The following CCT6B variants were observed in gnomAD, a reference collection of about 807,000 sequenced individuals.
CCT6B encodes probable T-complex protein 1 subunit zeta-2.
In CCT6B, 49 loss-of-function variants were observed where a neutral mutation model predicts 61.5. The ratio of observed to expected loss-of-function variants is 0.80; its 90% CI spans 0.63 to 1.01. The LOEUF (loss-of-function observed/expected upper bound fraction) is 1.01, where lower values mean the gene tolerates loss of function less well. CCT6B is among the 50% of genes least tolerant of loss of function. The pLI is 0.00. For synonymous variants in CCT6B, 228 were observed against 214.5 expected, an observed-to-expected ratio of 1.06 and a Z score of -0.55; for missense variants, 666 against 634.7, an observed-to-expected ratio of 1.05 and a Z score of -0.53.
chr17:34,954,283 G>C (rs2142176759), intron 4 of CCT6B, 143 bp downstream of exon 4: 1 of 612,192 alleles, frequency 1.6e-6, no homozygotes, highest in East Asian at 2.9e-5. Context: ...CTAATCTACA[G>C]TTAGGCCTAT....
chr17:34,942,091 C>T (rs989787239), intron 7 of CCT6B, among the ~76,000 whole-genome samples: 4 of 149,520 alleles, frequency 2.7e-5, no homozygotes, highest in African/African-American at 9.8e-5. Flanking sequence ...TTTTGTCACA[C>T]ATAATAATAA....
intron 11 of CCT6B, 43 bp downstream of exon 11, chr17:34,932,324 T>C: frequency 1.3e-6 from 2 of 1,558,752 alleles, no homozygotes; most frequent in African/African-American, 1.4e-5. Context: ...TTAAACACCT[T>C]TATGTCTAAG....
intron 5 of CCT6B, chr17:34,944,194 C>T (rs138047393): frequency 6.6e-6 from 1 of 152,266 alleles, no homozygotes; most frequent in African/African-American, 2.4e-5. Context: ...CTACTGTCAG[C>T]AAATGACATT....
At chr17:34,952,548 T>C (rs903658774) in intron 4 of CCT6B, among the ~76,000 whole-genome samples, 1 of 152,204 alleles carries the variant, frequency 6.6e-6, no homozygotes, top group African/African-American at 2.4e-5. Context: ...AAAGTTTCCA[T>C]GTCATCCCAT....
rs187444062 is a variant in CCT6B, at chr17:34,959,304, T to C, written c.201+283A>G. ...ACACTGAGCAAAATTTTTTTTTTTT[T>C]TTTTTTTTGTAGAGACGGTTTTCAC... On this transcript the variant is annotated intron_variant, in intron 2 of 13. Transcript: ENST00000314144. 6.4e-3 allele frequency among the ~76,000 whole-genome samples: 955 copies of C among 149,290 alleles called. 7 individuals carry two copies. The highest frequency in any genetic ancestry group is 0.022 in the African/African-American group (914 of 40,742).
chr17:34,930,131 G>T (rs149929834), intron 12 of CCT6B, among the ~76,000 whole-genome samples: 1 of 152,270 alleles, frequency 6.6e-6, no homozygotes, highest in Non-Finnish European at 1.5e-5. Context: ...AATTAGCCGG[G>T]CGTGGCAGCA....
rs191418224 is a variant in CCT6B at position 34,942,819 on chromosome 17, G to A, written c.702C>T (p.Asn234=). 23 of 1,606,518 alleles carry A rather than the reference G, an allele frequency of 1.4e-5. No homozygotes were observed. Among genetic ancestry groups the A allele is most frequent in the Admixed American group, 8.5e-5 (5 of 58,974 alleles). ...ACGTTTTTTCATATTCCAGTGAAACGTTGCAAATAAGGATAAATGCATCTT... is the reference window on the plus strand; with the variant it reads ...ACGTTTTTTCATATTCCAGTGAAACATTGCAAATAAGGATAAATGCATCTT... ...RVEDAFILIC[N]VSLEYEKTEV... is the part of the protein sequence containing the mutation. Residue 234 remains asparagine, a synonymous_variant, in exon 6 of 14, where the codon AAC becomes AAT. Coordinates refer to ENST00000314144, the MANE Select transcript of CCT6B (RefSeq NM_006584.4).
intron 5 of CCT6B, among the ~76,000 whole-genome samples, chr17:34,946,716 T>C (rs1211383384): frequency 6.6e-6 from 1 of 152,060 alleles, no homozygotes; most frequent in Non-Finnish European, 1.5e-5. Context: ...AAATACTAAA[T>C]AGCAAAGAGA....
At chr17:34,932,603 C>T (rs1212750958) in intron 10 of CCT6B, 103 bp from the exon 11 acceptor site, 1 of 1,021,686 alleles carries the variant, frequency 9.8e-7, no homozygotes, top group Admixed American at 2.6e-5. Flanking sequence ...CTATTATCTA[C>T]AGAAACCAAA....
chr17:34,944,094 A>G (rs2090197162), intron 5 of CCT6B: 1 of 152,156 alleles, frequency 6.6e-6, no homozygotes, highest in South Asian at 2.1e-4. Context: ...AGATTACTCC[A>G]CCTCTTAACA....
At chr17:34,937,106 C>T (rs2090103183) in intron 10 of CCT6B, among the ~76,000 whole-genome samples, 1 of 151,976 alleles carries the variant, frequency 6.6e-6, no homozygotes, top group Non-Finnish European at 1.5e-5. Context: ...TGCAGTGAGC[C>T]ATGATCACAC....
chr17:34,944,913 G>A (rs544655499), intron 5 of CCT6B, among the ~76,000 whole-genome samples: 28 of 152,288 alleles, frequency 1.8e-4, no homozygotes, highest in African/African-American at 5.1e-4. Flanking sequence ...GCGACAGAGC[G>A]AGACTCCGTC....
rs879249857 is a variant in CCT6B, at chr17:34,951,987, T to G, written c.577A>C (p.Ile193Leu). Reference sequence around the variant, plus strand: ...CCTAATTTATGCTTCATCTCCATTATTTCTACCATGAAGAGATCAATAGGG... The same window carrying G: ...CCTAATTTATGCTTCATCTCCATTAGTTCTACCATGAAGAGATCAATAGGG... ...GYPIDLFMVE[I>L]MEMKHKLGTD... Residue 193 changes from isoleucine (I) to leucine (L), a missense_variant, in exon 5 of 14, where the codon ATA (isoleucine) becomes CTA (leucine). Coordinates refer to ENST00000314144, the MANE Select transcript of CCT6B (RefSeq NM_006584.4). 6.2e-7 allele frequency: 1 copy of G among 1,605,808 alleles called. No individual in the cohort carries two copies. Among genetic ancestry groups the G allele is most frequent in the Non-Finnish European group, 8.5e-7 (1 of 1,174,256 alleles).
At chr17:34,937,088 G>A (rs2090102888) in intron 10 of CCT6B, among the ~76,000 whole-genome samples, 1 of 152,090 alleles carries the variant, frequency 6.6e-6, no homozygotes, top group Non-Finnish European at 1.5e-5. Context: ...AGCTCAGCAG[G>A]TCAAGTCTGC....
At chr17:34,951,011 A>C (rs2090285538) in intron 5 of CCT6B, among the ~76,000 whole-genome samples, 1 of 152,184 alleles carries the variant, frequency 6.6e-6, no homozygotes, top group South Asian at 2.1e-4. Context: ...CAAGACAAAT[A>C]ATCAGACTTT....
At chr17:34,937,905 T>G (rs1429609884) in intron 10 of CCT6B, among the ~76,000 whole-genome samples, 1 of 151,596 alleles carries the variant, frequency 6.6e-6, no homozygotes, top group Non-Finnish European at 1.5e-5. Context: ...TTTTTTTTTC[T>G]GGAAACAGGG....
chr17:34,928,397 C>T (rs773942123), intron 13 of CCT6B, among the ~76,000 whole-genome samples: 3 of 152,014 alleles, frequency 2.0e-5, no homozygotes, highest in South Asian at 2.1e-4. Context: ...CTCAGCCTCC[C>T]GAGTAGCTGG....
intron 10 of CCT6B, among the ~76,000 whole-genome samples, chr17:34,936,109 C>T (rs557913983): frequency 1.3e-5 from 2 of 152,040 alleles, no homozygotes; most frequent in African/African-American, 2.4e-5. Flanking sequence ...TGCCACCATG[C>T]CCAGCTAATT....
At chr17:34,955,386 A>G (rs1006237042) in intron 3 of CCT6B, among the ~76,000 whole-genome samples, 6 of 152,212 alleles carry the variant, frequency 3.9e-5, no homozygotes, top group Non-Finnish European at 7.3e-5. Context: ...CTGCAATTAT[A>G]TAATTCCCTG....
Sources: allele counts gnomAD v4.1 joint callset (sites outside exome capture counted in the v4.1 genomes callset), GRCh38; gene constraint gnomAD v4.1.1; transcripts MANE v1.5; gene names NCBI Gene and HGNC (gene_info 2026-07-23, HGNC 2026-07-21).